The following MARK2 variants were observed in gnomAD, a reference collection of about 807,000 sequenced individuals.
MARK2 encodes the protein serine/threonine-protein kinase MARK2.
MARK2 carries 16 observed loss-of-function variants against 89.8 expected under a neutral mutation model. The observed-to-expected ratio is 0.18, with a 90% CI of 0.12 to 0.27. The LOEUF (loss-of-function observed/expected upper bound fraction) is 0.27, where lower values mean the gene tolerates loss of function less well. Among genes scored for constraint, MARK2 ranks in the 10% least tolerant of loss-of-function variants. MARK2 has a pLI of 1.00. For synonymous variants in MARK2, 382 were observed against 399.5 expected (o/e 0.96, Z 0.52); for missense variants, 621 against 1,049.9 (o/e 0.59, Z 5.65).
chr11:63,902,675 C>T lies in MARK2; in HGVS notation c.1309C>T (p.Pro437Ser). 6.2e-7 allele frequency: 1 copy of T among 1,614,146 alleles called. No homozygotes were observed. Among genetic ancestry groups the T allele is most frequent in the Non-Finnish European group, 8.5e-7 (1 of 1,180,014 alleles). The change falls in exon 13 of 19, where the codon CCT (proline) becomes TCT (serine). Residue 437 changes from proline to serine, a missense_variant. By Grantham distance (74) the Pro-to-Ser change is moderately conservative. Transcript: ENST00000402010. This position sits in a 1 kb window ranked among gnomAD's most constrained non-coding sequence, Gnocchi z 4.2. The part of the protein sequence containing the change: ...TQSNNAENKR[P>S]EEDRESGRKA... ...GAGTAACAACGCAGAAAATAAGCGG[C>T]CTGAGGAGGACCGGGAGTCAGGGCG...
At chr11:63,890,255 C>T in intron 1 of MARK2, 1 of 1,344,862 alleles carries the variant, frequency 7.4e-7, no homozygotes, top group Non-Finnish European at 9.8e-7. Flanking sequence ...CACATCCCTG[C>T]TGTGGGAAAC....
chr11:63,844,416 C>T (rs1021363573), intron 1 of MARK2, among the ~76,000 whole-genome samples: 4 of 152,004 alleles, frequency 2.6e-5, no homozygotes, highest in African/African-American at 7.3e-5. Flanking sequence ...CTGGGGAGGT[C>T]GAGACTGCAT....
Position 63,902,323 on chromosome 11 carries a change from C to T in MARK2, c.1227C>T (p.Ser409=), listed in dbSNP as rs890716741. The T allele has an allele frequency of 5.0e-6, 8 of 1,613,852 alleles. No homozygotes were observed. The highest frequency in any genetic ancestry group is 1.7e-5 in the Admixed American group (1 of 59,990). ...CCAATCCCAAGCAGCGGCGCTTCAGCGACCAGGGTAAATGCTTTTGGGAGT... is the reference window on the plus strand; with the variant it reads ...CCAATCCCAAGCAGCGGCGCTTCAGTGACCAGGGTAAATGCTTTTGGGAGT... The part of the protein sequence containing the change: ...VSANPKQRRF[S]DQAAGPAIPT... Residue 409 remains serine (S), a synonymous_variant, in exon 12 of 19, where the codon AGC becomes AGT. Transcript: ENST00000402010. This position sits in a 1 kb window ranked among gnomAD's most constrained non-coding sequence, Gnocchi z 4.2.
intron 1 of MARK2, among the ~76,000 whole-genome samples, chr11:63,894,423 G>A (rs1006718222): frequency 6.6e-5 from 10 of 152,328 alleles, no homozygotes; most frequent in African/African-American, 1.2e-4. Context: ...ATGGCTGGGC[G>A]CAGTGGCTCA....
chr11:63,848,611 C>T (rs1433328287), intron 1 of MARK2, among the ~76,000 whole-genome samples: 8 of 149,738 alleles, frequency 5.3e-5, no homozygotes, highest in Non-Finnish European at 1.2e-4. Context: ...AGTGCAGTGG[C>T]GCGATCTCAG....
chr11:63,867,536 G>A (rs1180011942), intron 1 of MARK2, among the ~76,000 whole-genome samples: 1 of 152,138 alleles, frequency 6.6e-6, no homozygotes, highest in African/African-American at 2.4e-5. Context: ...TGTTGTAAGG[G>A]GCTTTTTCCA....
In MARK2 at chr11:63,870,272, A is replaced by T. The variant is rs143634540; in HGVS notation, c.55-24887A>T. On this transcript the variant is annotated intron_variant, in intron 1 of 18. Coordinates refer to ENST00000402010, the MANE Select transcript of MARK2 (RefSeq NM_001039469.3). ...TGTATTTTTGTGGAGACAGGGTCTT[A>T]CAATATTGCCCAGGCTGGTCTCAAA... Among the ~76,000 whole-genome samples, 290 of 152,300 alleles carry T rather than the reference A, an allele frequency of 1.9e-3. 1 individual carries two copies. The highest frequency in any genetic ancestry group is 6.7e-3 in the African/African-American group (277 of 41,566).
At chr11:63,874,705 C>T (rs1349966458) in intron 1 of MARK2, among the ~76,000 whole-genome samples, 2 of 152,164 alleles carry the variant, frequency 1.3e-5, no homozygotes, top group Non-Finnish European at 2.9e-5. Context: ...ATCCCCTTGT[C>T]TATAAACAAG....
rs1277421294 is a variant in MARK2 at position 63,856,319 on chromosome 11, T to TG, written c.54+16759_54+16760insG. Reference sequence around the variant, plus strand: ...CACTGGCCCTGTGGGTTTTTTTTTTTTGTTTTTTTTTTTTTTTTAAATATA... The same window carrying TG: ...CACTGGCCCTGTGGGTTTTTTTTTTTGTGTTTTTTTTTTTTTTTTAAATATA... On this transcript the variant is annotated intron_variant, in intron 1 of 18. Transcript: ENST00000402010. Among the ~76,000 whole-genome samples, 314 of 58,512 alleles carry TG rather than the reference T, an allele frequency of 5.4e-3. 1 individual carries two copies. The South Asian group carries it at 0.06, about 11-fold the overall frequency. The allele number at this position is 58,512 out of a possible 152,430, so 38.4% of individuals were successfully genotyped here.
At chr11:63,852,672 C>T (rs1257717115) in intron 1 of MARK2, among the ~76,000 whole-genome samples, 2 of 130,924 alleles carry the variant, frequency 1.5e-5, no homozygotes, top group South Asian at 4.8e-4. Context: ...TAAATAAGAA[C>T]TAAAAAAAAA....
intron 1 of MARK2, among the ~76,000 whole-genome samples, chr11:63,885,705 G>A (rs969175975): frequency 2.0e-5 from 3 of 152,112 alleles, no homozygotes; most frequent in South Asian, 2.1e-4. Flanking sequence ...GTGGTGGCAC[G>A]CACCTGTAAT....
chr11:63,885,395 C>T (rs1008788537), intron 1 of MARK2, among the ~76,000 whole-genome samples: 5 of 151,502 alleles, frequency 3.3e-5, no homozygotes, highest in African/African-American at 7.3e-5. Context: ...AAAAATTAGC[C>T]GGGCGTATTG....
rs1291512517 is a variant in MARK2, at chr11:63,871,299, G to A, written c.55-23860G>A. Among the ~76,000 whole-genome samples the A allele has an allele frequency of 3.9e-5, 6 of 152,052 alleles. No homozygotes were observed. In the East Asian group the frequency reaches 1.2e-3, roughly 29 times the overall value. On this transcript the variant is annotated intron_variant, in intron 1 of 18. Coordinates refer to ENST00000402010, the MANE Select transcript of MARK2 (RefSeq NM_001039469.3). ...GGGAGTGCTTTCACTGTGTGCAGGT[G>A]TGGCTAAAGAGTATTCACTGTGTGC...
At chr11:63,898,997 C>A in intron 6 of MARK2, 55 bp from the exon 7 acceptor site, 1 of 1,329,958 alleles carries the variant, frequency 7.5e-7, no homozygotes, top group Non-Finnish European at 1.1e-6. Flanking sequence ...GCTCTGTCAG[C>A]CCCTGTGGCC....
At chr11:63,847,274 C>T (rs569782161) in intron 1 of MARK2, among the ~76,000 whole-genome samples, 192 of 152,262 alleles carry the variant, frequency 1.3e-3, no homozygotes, top group African/African-American at 4.5e-3. Flanking sequence ...TTCCTTTTTA[C>T]ACCAAATCAT....
chr11:63,872,966 T>C (rs1463821964), intron 1 of MARK2, among the ~76,000 whole-genome samples: 2 of 117,402 alleles, frequency 1.7e-5, no homozygotes, highest in East Asian at 3.0e-4. Context: ...TCCACCTCCC[T>C]GCTCTGCATG....
intron 1 of MARK2, among the ~76,000 whole-genome samples, chr11:63,850,263 C>A (rs1313824013): frequency 4.0e-5 from 6 of 151,832 alleles, no homozygotes; most frequent in African/African-American, 9.7e-5. Context: ...ATTCTCCTGC[C>A]TCAGCCTCCC....
intron 1 of MARK2, among the ~76,000 whole-genome samples, chr11:63,849,482 G>C (rs1440754047): frequency 6.6e-6 from 1 of 152,180 alleles, no homozygotes; most frequent in Non-Finnish European, 1.5e-5. Context: ...GCCGGGCGCG[G>C]TGGCTCATGC....
intron 1 of MARK2, among the ~76,000 whole-genome samples, chr11:63,861,953 C>T (rs1324667264): frequency 3.4e-5 from 4 of 117,120 alleles, no homozygotes; most frequent in African/African-American, 6.8e-5. Flanking sequence ...GACGGTGTTT[C>T]GCTCTTGTTG....
Sources: allele counts gnomAD v4.1 joint callset (sites outside exome capture counted in the v4.1 genomes callset), GRCh38; gene constraint gnomAD v4.1.1; non-coding constraint Gnocchi (gnomAD v3.1); transcripts MANE v1.5; gene names NCBI Gene and HGNC (gene_info 2026-07-23, HGNC 2026-07-21).